NID2: variants seen among roughly 807,000 people sequenced by gnomAD.
NID2 encodes nidogen-2.
Under a neutral mutation model 145.4 loss-of-function variants are expected in NID2, and 83 were observed. The ratio of observed to expected loss-of-function variants is 0.57; its 90% CI spans 0.48 to 0.69. NID2 has a LOEUF of 0.69. Ranked by LOEUF, NID2 falls within the 30% of genes least tolerant of loss-of-function variation. The pLI is 0.00. For missense variants in NID2, 1,807 were observed against 1,765.7 expected (o/e 1.02, Z -0.42); for synonymous variants, 739 against 701.3 (o/e 1.05, Z -0.85).
chr14:52,034,212 T>C (rs1345601764), intron 9 of NID2, among the ~76,000 whole-genome samples: 1 of 152,186 alleles, frequency 6.6e-6, no homozygotes, highest in Non-Finnish European at 1.5e-5. Flanking sequence ...TGATCCTTTC[T>C]TACTCTCATT....
At position 52,060,383 on chromosome 14, in the gene NID2, A is replaced by G. The variant is rs1267901428; in HGVS notation, c.535-27T>C. On this transcript the variant is annotated intron_variant, in intron 2 of 21. Transcript: ENST00000216286. ...TGTGAGGAAAAAAAAAAAAAAAGAGAGAGAGAGAGAGAGAAACATCCTGTA... is the reference window on the plus strand; with the variant it reads ...TGTGAGGAAAAAAAAAAAAAAAGAGGGAGAGAGAGAGAGAAACATCCTGTA... 4 of 1,139,868 alleles carry G rather than the reference A, an allele frequency of 3.5e-6. No homozygotes were observed. The East Asian group carries it at 1.1e-4, about 31-fold the overall frequency. 70.6% of individuals were successfully genotyped at this position (1,139,868 alleles called of 1,614,324 possible).
chr14:52,019,912 G>C, intron 13 of NID2, 147 bp downstream of exon 13: 2 of 1,073,426 alleles, frequency 1.9e-6, no homozygotes. Flanking sequence ...AAACTAGGCA[G>C]CAGGAGGTAA....
intron 20 of NID2, chr14:52,006,326 C>T (rs181128679): frequency 1.5e-4 from 79 of 535,990 alleles, no homozygotes; most frequent in Middle Eastern, 1.0e-3. Flanking sequence ...CAATACCATT[C>T]GATTTCTGGG....
At position 52,018,979 on chromosome 14, in the gene NID2, G is replaced by A. The variant is rs59811471; in HGVS notation, c.3028+82C>T. On this transcript the variant is annotated intron_variant, in intron 14 of 21. Transcript: ENST00000216286. Reference sequence around the variant, plus strand: ...GCTATGAAGGATGGTGACTGGCCCCGTGCCTGCGTGGTCTGGGCAGGAATT... The same window carrying A: ...GCTATGAAGGATGGTGACTGGCCCCATGCCTGCGTGGTCTGGGCAGGAATT... 59 of 1,010,842 alleles carry A rather than the reference G, an allele frequency of 5.8e-5. 2 individuals are homozygous for A. The highest frequency in any genetic ancestry group is 4.1e-4 in the Middle Eastern group (2 of 4,834). 62.6% of individuals were successfully genotyped at this position (1,010,842 alleles called of 1,614,324 possible).
rs775859903 is a variant in NID2, at chr14:52,005,487, T to TAA, written c.4126_4127insTT (p.Ter1376PhefsTer36). The TAA allele has an allele frequency of 1.8e-4, 280 of 1,598,042 alleles. 1 individual carries two copies. The highest frequency in any genetic ancestry group is 8.5e-6 in the Non-Finnish European group (10 of 1,173,972). On this transcript the variant is annotated frameshift_variant and stop_lost, in exon 22 of 22. Transcript: ENST00000216286. LOFTEE classifies it high-confidence loss of function. The stretch of plus-strand genomic sequence containing the variant: ...AAGTCTTCCTTTACATTACTGTACT[T>TAA]ACTTTCTTCCTGTGAGAGAAGAGCA...
chr14:52,059,378 C>T (rs1284337767), intron 3 of NID2, among the ~76,000 whole-genome samples: 1 of 152,102 alleles, frequency 6.6e-6, no homozygotes, highest in Non-Finnish European at 1.5e-5. Flanking sequence ...AGGAAGTAAC[C>T]AATGTATTCT....
chr14:52,056,694 A>C (rs1408805033), intron 3 of NID2, among the ~76,000 whole-genome samples: 1 of 152,180 alleles, frequency 6.6e-6, no homozygotes, highest in Admixed American at 6.5e-5. Context: ...CTGGAGGCTA[A>C]GGCAGAAGAA....
chr14:52,041,533 G>C (rs1055357273), intron 7 of NID2, among the ~76,000 whole-genome samples: 2 of 152,160 alleles, frequency 1.3e-5, no homozygotes, highest in Admixed American at 6.5e-5. Context: ...GTTGTCAACG[G>C]GTGGCCTTTC....
At chr14:52,012,143 A>G (rs1038724712) in intron 16 of NID2, 1 of 153,472 alleles carries the variant, frequency 6.5e-6, no homozygotes, top group Non-Finnish European at 1.5e-5. Flanking sequence ...ATCTTTTCCC[A>G]ATGTCATCAG....
chr14:52,040,881 T>G, intron 7 of NID2, 30 bp from the exon 8 acceptor site: 1 of 1,603,160 alleles, frequency 6.2e-7, no homozygotes, highest in Non-Finnish European at 8.5e-7. Context: ...AGCACAGGGA[T>G]GAAAAGAGGT....
chr14:52,011,124 T>TG, intron 17 of NID2, 77 bp from the exon 18 acceptor site: 1 of 1,456,892 alleles, frequency 6.9e-7, no homozygotes, highest in Non-Finnish European at 9.5e-7. Flanking sequence ...AACGGTCGGG[T>TG]GGGCAGGGGG....
chr14:52,008,040 A>C, intron 18 of NID2, 73 bp from the exon 19 acceptor site: 1 of 1,223,722 alleles, frequency 8.2e-7, no homozygotes, highest in Non-Finnish European at 1.2e-6. Context: ...AGCAGCCCCC[A>C]GTGATCTCCA....
At chr14:52,056,907 A>G (rs746807858) in intron 3 of NID2, among the ~76,000 whole-genome samples, 19 of 152,216 alleles carry the variant, frequency 1.2e-4, no homozygotes, top group Non-Finnish European at 1.9e-4. Context: ...TACACGTGTG[A>G]ATTCGTATTT....
intron 12 of NID2, 194 bp from the exon 13 acceptor site, chr14:52,020,372 G>A (rs1201379686): frequency 9.8e-6 from 8 of 816,234 alleles, no homozygotes; most frequent in Non-Finnish European, 1.4e-5. Flanking sequence ...AAAAAATCAA[G>A]GAACATGTGA....
Position 52,053,933 on chromosome 14 carries a change from A to T in NID2, c.1075T>A (p.Ser359Thr). 6.2e-7 allele frequency: 1 copy of T among 1,613,428 alleles called. No homozygotes were observed. Among genetic ancestry groups the T allele is most frequent in the Non-Finnish European group, 8.5e-7 (1 of 1,179,758 alleles). Residue 359 changes from serine to threonine, a missense_variant, in exon 5 of 22, where the codon TCC becomes ACC. Physicochemically the swap from Ser to Thr is moderately conservative, Grantham distance 58. Transcript: ENST00000216286. ...TCTTTGGTGTGAGGATCCAAGGTGG[A>T]AGATTCTGTTTCAGGATAGAATGGC... ...KVDTKPLEES[S>T]TLDPHTKEGT...
Position 52,005,461 on chromosome 14 carries a change from C to A in NID2, c.*25G>T. 6.3e-7 allele frequency: 1 copy of A among 1,577,188 alleles called. No homozygotes were observed. Among genetic ancestry groups the A allele is most frequent in the South Asian group, 1.2e-5 (1 of 83,202 alleles). On this transcript the variant is annotated 3_prime_UTR_variant, in exon 22 of 22. Coordinates refer to ENST00000216286, the MANE Select transcript of NID2 (RefSeq NM_007361.4). ...GGGTCCAGGTTCTGATTGTAAACTC[C>A]AAGTCTTCCTTTACATTACTGTACT...
intron 3 of NID2, among the ~76,000 whole-genome samples, chr14:52,055,349 T>G (rs1227923249): frequency 6.6e-6 from 1 of 152,244 alleles, no homozygotes; most frequent in African/African-American, 2.4e-5. Flanking sequence ...GACATTTCAT[T>G]GTTTATTCAC....
intron 5 of NID2, among the ~76,000 whole-genome samples, chr14:52,047,257 T>TG (rs1367462498): frequency 2.6e-5 from 4 of 151,276 alleles, no homozygotes; most frequent in Non-Finnish European, 5.9e-5. Context: ...GACAAGAGGG[T>TG]GGGAGGGGGC....
intron 5 of NID2, among the ~76,000 whole-genome samples, chr14:52,047,990 G>C (rs186058417): frequency 6.6e-6 from 1 of 152,196 alleles, no homozygotes. Flanking sequence ...GTGCATCCTA[G>C]CAATCTACAC....
Sources: allele counts gnomAD v4.1 joint callset (sites outside exome capture counted in the v4.1 genomes callset), GRCh38; gene constraint gnomAD v4.1.1; transcripts MANE v1.5; gene names NCBI Gene and HGNC (gene_info 2026-07-23, HGNC 2026-07-21).